The following LAMB4 variants were observed in gnomAD, a reference collection of about 807,000 sequenced individuals.
LAMB4 encodes the protein laminin subunit beta 4.
LAMB4 carries 196 observed loss-of-function variants against 199.2 expected under a neutral mutation model. The ratio of observed to expected loss-of-function variants is 0.98; its 90% CI spans 0.88 to 1.11. The LOEUF is 1.11. LAMB4 is among the 50% of genes least tolerant of loss of function. The probability of loss-of-function intolerance (pLI) is 0.00; values close to 1 mark genes in which losing one functional copy is unlikely to be tolerated. For synonymous variants in LAMB4, 744 were observed against 770.6 expected (o/e 0.97, Z 0.57); for missense variants, 2,080 against 2,171.2 (o/e 0.96, Z 0.83).
chr7:108,105,818 A>T lies in LAMB4; in HGVS notation c.869T>A (p.Met290Lys), dbSNP rs201325325. The change falls in exon 8 of 34, where the codon ATG becomes AAG. Residue 290 changes from methionine (M) to lysine (K), a missense_variant and splice_region_variant. Coordinates refer to ENST00000388781, the MANE Select transcript of LAMB4 (RefSeq NM_007356.3). ...TGTTCTTTTGGATTAATAACTCACC[A>T]TTCCAGGAGGGCTGAAAACATCTCC... The part of the protein sequence containing the change: ...MRGDVFSPPG[M>K]VHGQCVCQHN... 6.2e-7 allele frequency: 1 copy of T among 1,614,068 alleles called. No homozygotes were observed. The highest frequency in any genetic ancestry group is 1.1e-5 in the South Asian group (1 of 91,086).
chr7:108,015,068 A>G, the LAMB4 span, among the ~76,000 whole-genome samples: 2 of 152,224 alleles, frequency 1.3e-5, no homozygotes, highest in Non-Finnish European at 2.9e-5. Context: ...AAGACATCCT[A>G]TCAGTCATAT....
At chr7:108,017,449 G>A in the LAMB4 span, among the ~76,000 whole-genome samples, 1 of 152,154 alleles carries the variant, frequency 6.6e-6, no homozygotes, top group East Asian at 1.9e-4. Context: ...GAACAAAACA[G>A]GGGACTGTCT....
Position 108,063,005 on chromosome 7 carries a change from A to C in LAMB4, c.3062-11T>G. 1 of 1,528,552 alleles carries C rather than the reference A, an allele frequency of 6.5e-7. No individual in the cohort carries two copies. The highest frequency in any genetic ancestry group is 1.3e-5 in the South Asian group (1 of 79,816). 94.7% of individuals were successfully genotyped at this position (1,528,552 alleles called of 1,614,324 possible). ...CATGGCAGGAGCATCCTGTGATGAC[A>C]AAACCATCATCAGAGGTAAATTCAA... On this transcript the variant is annotated splice_polypyrimidine_tract_variant and intron_variant, in intron 22 of 33. Transcript: ENST00000388781.
chr7:108,062,692 G>T lies in LAMB4; in HGVS notation c.3282+82C>A, dbSNP rs73424744. Reference sequence around the variant, plus strand: ...CACTAATTAACAACAGTACATAAAAGAAACTTTCTTTACACATTTAGAAAC... The same window carrying T: ...CACTAATTAACAACAGTACATAAAATAAACTTTCTTTACACATTTAGAAAC... On this transcript the variant is annotated intron_variant, in intron 23 of 33. Coordinates refer to ENST00000388781, the MANE Select transcript of LAMB4 (RefSeq NM_007356.3). The T allele has an allele frequency of 3.4e-3, 2,745 of 807,752 alleles. 29 individuals are homozygous for T. The highest frequency in any genetic ancestry group is 0.032 in the African/African-American group (1,823 of 56,232). 50.0% of individuals were successfully genotyped at this position (807,752 alleles called of 1,614,324 possible).
At chr7:108,060,175 A>T (rs564683017) in intron 23 of LAMB4, among the ~76,000 whole-genome samples, 52 of 152,322 alleles carry the variant, frequency 3.4e-4, no homozygotes, top group African/African-American at 1.3e-3. Flanking sequence ...CTATGCACCA[A>T]ATAACCCAAA....
At chr7:108,025,397 CTTTCTT>C in intron 33 of LAMB4, among the ~76,000 whole-genome samples, 1 of 131,094 alleles carries the variant, frequency 7.6e-6, no homozygotes, top group Non-Finnish European at 1.5e-5. Context: ...TCTTTTCTTT[CTTTCTT>C]TCTTTCTTTC....
intron 1 of LAMB4, among the ~76,000 whole-genome samples, chr7:108,123,914 C>T (rs12540374): frequency 0.19 from 28,359 of 152,122 alleles, 3,319 homozygotes; most frequent in East Asian, 0.39. Flanking sequence ...GAGAGGCTTC[C>T]CTCCATCCCC....
intron 14 of LAMB4, among the ~76,000 whole-genome samples, chr7:108,090,628 G>A (rs1347041318): frequency 1.3e-5 from 2 of 151,948 alleles, no homozygotes; most frequent in East Asian, 1.9e-4. Flanking sequence ...AGTATGTGCC[G>A]TGCTGGGGGT....
intron 28 of LAMB4, among the ~76,000 whole-genome samples, chr7:108,047,139 C>T (rs1212568745): frequency 2.6e-5 from 4 of 152,236 alleles, no homozygotes; most frequent in South Asian, 2.1e-4. Context: ...CATGTCCACA[C>T]GAGTCTATGA....
chr7:108,105,679 G>T (rs2037977925), intron 8 of LAMB4, 138 bp downstream of exon 8: 2 of 730,292 alleles, frequency 2.7e-6, no homozygotes, highest in African/African-American at 1.7e-5. Context: ...ATCAGGATAG[G>T]TTGAATGGTA....
At chr7:108,060,573 T>C (rs1405054941) in intron 23 of LAMB4, among the ~76,000 whole-genome samples, 1 of 152,186 alleles carries the variant, frequency 6.6e-6, no homozygotes, top group Non-Finnish European at 1.5e-5. Context: ...GCCTGAAATA[T>C]TTTGCAGTGC....
At position 108,076,998 on chromosome 7, in the gene LAMB4, A is replaced by C; in HGVS notation, c.2070T>G (p.Phe690Leu). 6.8e-6 allele frequency: 11 copies of C among 1,614,038 alleles called. No individual in the cohort carries two copies. The highest frequency in any genetic ancestry group is 9.3e-6 in the Non-Finnish European group (11 of 1,179,870). Residue 690 changes from phenylalanine to leucine, a missense_variant, in exon 17 of 34, where the codon TTT becomes TTG. Physicochemically the swap from Phe to Leu is conservative, Grantham distance 22. Coordinates refer to ENST00000388781, the MANE Select transcript of LAMB4 (RefSeq NM_007356.3). ...GGGACTCTCCTTGCAAAGGCTGAGA[A>C]AAATAGACATCTATGGAATATTGTA... ...PDVQYSIDVY[F>L]SQPLQGESHA...
chr7:108,093,384 A>G (rs530582584), intron 12 of LAMB4, among the ~76,000 whole-genome samples: 3 of 152,350 alleles, frequency 2.0e-5, no homozygotes, highest in East Asian at 3.9e-4. Context: ...CTTTTAAAAA[A>G]ACTGATAGGT....
intron 14 of LAMB4, among the ~76,000 whole-genome samples, chr7:108,087,791 C>A (rs1029663426): frequency 6.6e-6 from 1 of 152,228 alleles, no homozygotes; most frequent in Admixed American, 6.5e-5. Flanking sequence ...AACTCTCTAA[C>A]CCTTCAGAAC....
In LAMB4 at chr7:108,063,929, C is replaced by T. The variant is rs1319752851; in HGVS notation, c.2893G>A (p.Ala965Thr). 1 of 1,614,142 alleles carries T rather than the reference C, an allele frequency of 6.2e-7. No individual in the cohort carries two copies. The highest frequency in any genetic ancestry group is 2.2e-5 in the East Asian group (1 of 44,888). ...GFYGNPRISG[A>T]PCQPCACNNN... is the part of the protein sequence containing the mutation. The stretch of plus-strand genomic sequence containing the variant: ...TTGCAGGCACATGGTTGGCAAGGTG[C>T]TCCTGAAATTCTTGGATTTCCATAG... Residue 965 changes from alanine (A) to threonine (T), a missense_variant, in exon 22 of 34, where the codon GCA becomes ACA. Ala to Thr is a moderately conservative substitution (Grantham distance 58, BLOSUM62 0). Transcript: ENST00000388781.
chr7:108,120,739 T>C (rs1194682617), intron 2 of LAMB4, among the ~76,000 whole-genome samples: 1 of 152,260 alleles, frequency 6.6e-6, no homozygotes, highest in African/African-American at 2.4e-5. Context: ...CCGTTGATGT[T>C]ACATGTGAAT....
intron 3 of LAMB4, among the ~76,000 whole-genome samples, chr7:108,115,257 C>T (rs999482843): frequency 6.6e-6 from 1 of 152,228 alleles, no homozygotes; most frequent in Non-Finnish European, 1.5e-5. Flanking sequence ...TATTTTTGAT[C>T]AGTTAAGGTT....
chr7:108,023,765 CTG>C lies in LAMB4; in HGVS notation c.*272_*273del, dbSNP rs1289748589. 10 of 235,300 alleles carry C rather than the reference CTG, an allele frequency of 4.2e-5. No individual in the cohort carries two copies. The East Asian group carries it at 8.9e-4, about 21-fold the overall frequency. 14.6% of individuals were successfully genotyped at this position (235,300 alleles called of 1,614,324 possible). A position where few individuals can be genotyped will look rare whatever the true frequency, so the allele number is the denominator to read the frequency against. ...TAAATTTCTACTTGTTATATGGAAACTGTTATTTTTAAGTTAGGAAAGAGAAA... is the reference window on the plus strand; with the variant it reads ...TAAATTTCTACTTGTTATATGGAAACTTATTTTTAAGTTAGGAAAGAGAAA... On this transcript the variant is annotated 3_prime_UTR_variant, in exon 34 of 34. Coordinates refer to ENST00000388781, the MANE Select transcript of LAMB4 (RefSeq NM_007356.3).
intron 15 of LAMB4, among the ~76,000 whole-genome samples, 193 bp downstream of exon 15, chr7:108,079,408 C>G (rs757941914): frequency 2.0e-5 from 3 of 152,202 alleles, no homozygotes; most frequent in Non-Finnish European, 4.4e-5. Context: ...CCATGGGATA[C>G]AGCATGCATG....
Sources: gnomAD v4.1 joint callset for allele counts (sites outside exome capture counted in the v4.1 genomes callset) on GRCh38, gnomAD v4.1.1 for gene constraint, MANE v1.5 for transcripts, NCBI Gene and HGNC (gene_info 2026-07-23, HGNC 2026-07-21) for gene names.